The following B3GALT1 variants were observed in gnomAD, a reference collection of about 807,000 sequenced individuals.
B3GALT1 encodes UDP-Gal:betaGlcNAc beta 1,3-galactosyltransferase, polypeptide 1.
Under a neutral mutation model 23.2 loss-of-function variants are expected in B3GALT1, and 10 were observed. The ratio of observed to expected loss-of-function variants is 0.43; its 90% CI spans 0.27 to 0.73. The LOEUF (loss-of-function observed/expected upper bound fraction) is 0.73. B3GALT1 is among the 30% of genes least tolerant of loss of function. The pLI, the probability that B3GALT1 is intolerant of heterozygous loss-of-function variation, is 0.21. For missense variants in B3GALT1, 299 were observed against 405.4 expected (o/e 0.74, Z 2.25); for synonymous variants, 156 against 141.5 (o/e 1.10, Z -0.73).
intron 4 of B3GALT1, among the ~76,000 whole-genome samples, chr2:167,838,582 G>A (rs1441534520): frequency 4.6e-5 from 7 of 152,350 alleles, no homozygotes; most frequent in South Asian, 4.1e-4. Context: ...ATTCACAGCC[G>A]AATTCTACCA....
At chr2:167,748,982 G>C (rs572138299) in intron 3 of B3GALT1, among the ~76,000 whole-genome samples, 1 of 152,144 alleles carries the variant, frequency 6.6e-6, no homozygotes, top group East Asian at 1.9e-4. Context: ...GAAGTAGTTG[G>C]TACTCCAGAA....
chr2:167,854,479 G>A (rs567653392), intron 4 of B3GALT1, among the ~76,000 whole-genome samples: 1 of 152,254 alleles, frequency 6.6e-6, no homozygotes, highest in South Asian at 2.1e-4. Context: ...ACTCACAACT[G>A]TGATGTTCAC....
intron 1 of B3GALT1, among the ~76,000 whole-genome samples, chr2:167,392,086 A>G (rs1456564904): frequency 6.6e-6 from 1 of 151,968 alleles, no homozygotes; most frequent in Admixed American, 6.6e-5. Context: ...GCATTGTCCA[A>G]GCAGACCTGT....
chr2:167,386,206 A>C (rs1026577026), intron 1 of B3GALT1, among the ~76,000 whole-genome samples: 2 of 152,052 alleles, frequency 1.3e-5, no homozygotes, highest in African/African-American at 4.8e-5. Context: ...AGCACTAATG[A>C]AGTTCAGCTA....
intron 2 of B3GALT1, among the ~76,000 whole-genome samples, chr2:167,500,243 G>A (rs925756364): frequency 6.6e-6 from 1 of 152,114 alleles, no homozygotes; most frequent in Non-Finnish European, 1.5e-5. Context: ...TTGAAAACCA[G>A]ATGGGCTTAT....
intron 2 of B3GALT1, among the ~76,000 whole-genome samples, chr2:167,512,597 T>C (rs1700033954): frequency 6.6e-5 from 4 of 60,286 alleles, no homozygotes; most frequent in Admixed American, 3.7e-4. Flanking sequence ...TATATGTGTA[T>C]ATATATATAT....
chr2:167,729,257 C>G (rs1427505285), intron 3 of B3GALT1, among the ~76,000 whole-genome samples: 1 of 152,170 alleles, frequency 6.6e-6, no homozygotes, highest in African/African-American at 2.4e-5. Context: ...AGGACAGGTG[C>G]TAACAAGAAT....
chr2:167,331,651 A>G (rs1456412349), intron 1 of B3GALT1, among the ~76,000 whole-genome samples: 1 of 151,966 alleles, frequency 6.6e-6, no homozygotes, highest in Non-Finnish European at 1.5e-5. Context: ...AGGCTTCTGG[A>G]TGGTATGCTG....
chr2:167,386,289 C>CGTTCTTTATG (rs1346012620), intron 1 of B3GALT1, among the ~76,000 whole-genome samples: 2 of 151,504 alleles, frequency 1.3e-5, no homozygotes, highest in Non-Finnish European at 2.9e-5. Flanking sequence ...TTATAAAGAA[C>CGTTCTTTATG]GTTCTTTATG....
chr2:167,339,736 A>G (rs1200414532), intron 1 of B3GALT1, among the ~76,000 whole-genome samples: 1 of 152,238 alleles, frequency 6.6e-6, no homozygotes, highest in African/African-American at 2.4e-5. Context: ...AGGATAGAAT[A>G]GTTCACAGTA....
intron 1 of B3GALT1, among the ~76,000 whole-genome samples, chr2:167,307,173 A>G (rs1402886947): frequency 2.0e-5 from 3 of 152,062 alleles, no homozygotes; most frequent in Non-Finnish European, 2.9e-5. Flanking sequence ...TAACTAAAAT[A>G]TAGTGGAAAA....
At chr2:167,445,016 C>T (rs1698958129) in intron 1 of B3GALT1, among the ~76,000 whole-genome samples, 1 of 152,162 alleles carries the variant, frequency 6.6e-6, no homozygotes, top group Non-Finnish European at 1.5e-5. Context: ...CTATAAATTT[C>T]CCTCTACACA....
At chr2:167,445,039 T>C (rs1198946633) in intron 1 of B3GALT1, among the ~76,000 whole-genome samples, 1 of 152,222 alleles carries the variant, frequency 6.6e-6, no homozygotes, top group Admixed American at 6.5e-5. Context: ...GCTTTAAATG[T>C]GTCCCAGAGA....
intron 3 of B3GALT1, among the ~76,000 whole-genome samples, chr2:167,700,314 A>T (rs1467093481): frequency 6.6e-6 from 1 of 152,158 alleles, no homozygotes; most frequent in East Asian, 1.9e-4. Context: ...TAGTTTAGCA[A>T]TCTATATGGG....
chr2:167,295,191 T>A (rs1696329709), intron 1 of B3GALT1, among the ~76,000 whole-genome samples: 1 of 152,212 alleles, frequency 6.6e-6, no homozygotes, highest in African/African-American at 2.4e-5. Context: ...GATTTTTTTA[T>A]TATGATTTTA....
At chr2:167,817,787 T>G (rs1689024772) in intron 3 of B3GALT1, among the ~76,000 whole-genome samples, 1 of 152,220 alleles carries the variant, frequency 6.6e-6, no homozygotes, top group South Asian at 2.1e-4. Context: ...GAATAGAACA[T>G]TCCACTTTTT....
chr2:167,637,565 A>G (rs1041707788), intron 2 of B3GALT1, among the ~76,000 whole-genome samples: 1 of 151,998 alleles, frequency 6.6e-6, no homozygotes, highest in African/African-American at 2.4e-5. Flanking sequence ...TGTTAACTGT[A>G]GTCACTCTAC....
At chr2:167,582,699 T>TTGC (rs1409726936) in intron 2 of B3GALT1, among the ~76,000 whole-genome samples, 30 of 152,314 alleles carry the variant, frequency 2.0e-4, no homozygotes, top group African/African-American at 7.2e-4. Context: ...TCTAAGCCCC[T>TTGC]TGCTGGTCCC....
At chr2:167,611,882 A>G (rs1372146692) in intron 2 of B3GALT1, among the ~76,000 whole-genome samples, 1 of 152,042 alleles carries the variant, frequency 6.6e-6, no homozygotes, top group African/African-American at 2.4e-5. Flanking sequence ...AGACATCCAG[A>G]CTCAAAAATC....
Sources: allele counts gnomAD v4.1 joint callset (sites outside exome capture counted in the v4.1 genomes callset), GRCh38; gene constraint gnomAD v4.1.1; transcripts MANE v1.5; gene names NCBI Gene and HGNC (gene_info 2026-07-23, HGNC 2026-07-21).